The following CFAP46 variants were observed in gnomAD, a reference collection of about 807,000 sequenced individuals.
CFAP46 encodes the protein cilia- and flagella-associated protein 46.
In CFAP46, 245 loss-of-function variants were observed where a neutral mutation model predicts 325.7. The observed-to-expected ratio is 0.75, with a 90% CI of 0.68 to 0.84. The LOEUF is 0.84. Among genes scored for constraint, CFAP46 ranks in the 40% least tolerant of loss-of-function variants. CFAP46 has a pLI of 0.00. For synonymous variants in CFAP46, 1,523 were observed against 1,495.9 expected (o/e 1.02, Z -0.42); for missense variants, 3,346 against 3,543.0 (o/e 0.94, Z 1.41).
Position 132,886,423 on chromosome 10 carries a change from C to T in CFAP46, c.3305-464G>A, listed in dbSNP as rs908760377. Among the ~76,000 whole-genome samples the T allele has an allele frequency of 2.0e-5, 3 of 152,216 alleles. No homozygotes were observed. The highest frequency in any genetic ancestry group is 2.9e-5 in the Non-Finnish European group (2 of 68,036). On this transcript the variant is annotated intron_variant, in intron 25 of 57. Transcript: ENST00000368586. This position sits in a 1 kb window ranked among gnomAD's most constrained non-coding sequence, Gnocchi z 5.8. The stretch of plus-strand genomic sequence containing the variant: ...AATCCCCGAGTCTCCACGCAGGCAG[C>T]GGAGCCATGTGACACGCAGAGGCAA...
rs1470341732 is a variant in CFAP46 at position 132,812,770 on chromosome 10, G to A, written c.7501+15C>T. The A allele has an allele frequency of 6.3e-7, 1 of 1,595,490 alleles. No homozygotes were observed. The highest frequency in any genetic ancestry group is 8.6e-7 in the Non-Finnish European group (1 of 1,165,348). On this transcript the variant is annotated intron_variant, in intron 55 of 57. Coordinates refer to ENST00000368586, the MANE Select transcript of CFAP46 (RefSeq NM_001200049.3). ...GTGCCCGCGGGGGAGGGGGTGCTGA[G>A]AGGACACCTCTCACCTTGCAAGTTC...
intron 28 of CFAP46, 21 bp from the exon 29 acceptor site, chr10:132,879,652 G>A: frequency 3.4e-6 from 5 of 1,485,922 alleles, no homozygotes; most frequent in Non-Finnish European, 4.5e-6. Flanking sequence ...GGGTGCCCGA[G>A]GCTGAGAGCA....
intron 22 of CFAP46, among the ~76,000 whole-genome samples, chr10:132,901,461 C>T (rs1222853182): frequency 6.6e-6 from 1 of 152,148 alleles, no homozygotes; most frequent in Non-Finnish European, 1.5e-5. Context: ...AGCATTTGCT[C>T]TAGGGATTGC....
intron 50 of CFAP46, among the ~76,000 whole-genome samples, chr10:132,824,122 A>C (rs1376383819): frequency 2.4e-5 from 2 of 82,252 alleles, no homozygotes; most frequent in Non-Finnish European, 4.9e-5. Context: ...GTGTGCGCTG[A>C]TGTGTGCTGT....
intron 45 of CFAP46, 121 bp from the exon 46 acceptor site, chr10:132,836,339 G>A (rs1253162817): frequency 3.5e-6 from 3 of 867,888 alleles, no homozygotes; most frequent in Non-Finnish European, 5.6e-6. Flanking sequence ...TGGACGCCCA[G>A]CAGGGCCCTC....
In CFAP46 at chr10:132,857,631, C is replaced by G; in HGVS notation, c.5533G>C (p.Gly1845Arg). The change falls in exon 39 of 58, where the codon GGG becomes CGG. Residue 1845 changes from glycine (G) to arginine (R), a missense_variant. Physicochemically the swap from Gly to Arg is moderately radical, Grantham distance 125. Transcript: ENST00000368586. Reference sequence around the variant, plus strand: ...AGGCCCTGGACGCTGTGAAGCCTCCCTTCTTCCTCAGCCATGGCGCCCTGG... The same window carrying G: ...AGGCCCTGGACGCTGTGAAGCCTCCGTTCTTCCTCAGCCATGGCGCCCTGG... ...LAQGAMAEEE[G>R]RLHSVQGLLS... 1 of 1,613,184 alleles carries G rather than the reference C, an allele frequency of 6.2e-7. No individual in the cohort carries two copies. Among genetic ancestry groups the G allele is most frequent in the Non-Finnish European group, 8.5e-7 (1 of 1,179,608 alleles).
chr10:132,869,478 G>T lies in CFAP46; in HGVS notation c.4512-106C>A. 1.4e-6 allele frequency: 1 copy of T among 704,778 alleles called. No homozygotes were observed. 43.7% of individuals were successfully genotyped at this position (704,778 alleles called of 1,614,324 possible). On this transcript the variant is annotated intron_variant, in intron 32 of 57. Transcript: ENST00000368586. The surrounding 1 kb of genome is among the most constrained non-coding windows in gnomAD (Gnocchi z 6.2). ...GAAAACGGTCAACTAACACATCGAG[G>T]CACACTTGGATGGTATTTTCAATCA...
In CFAP46 at chr10:132,877,718, TCCGAGAACC is replaced by T. The variant is rs1480865498; in HGVS notation, c.4212+154_4212+162del. The stretch of plus-strand genomic sequence containing the variant: ...CTGCACTGAGGCCACCTGGGGCTCC[TCCGAGAACC>T]CTGACAGGCAGGGAAACTGAGGCAC... On this transcript the variant is annotated intron_variant, in intron 30 of 57. Transcript: ENST00000368586. The surrounding 1 kb of genome is among the most constrained non-coding windows in gnomAD (Gnocchi z 5.7). Among the ~76,000 whole-genome samples the T allele has an allele frequency of 1.5e-4, 23 of 150,520 alleles. No homozygotes were observed. The highest frequency in any genetic ancestry group is 5.6e-4 in the African/African-American group (23 of 40,948).
intron 17 of CFAP46, 82 bp from the exon 18 acceptor site, chr10:132,913,340 AGGAACCAGGC>A: frequency 1.5e-6 from 1 of 646,188 alleles, no homozygotes; most frequent in Non-Finnish European, 2.5e-6. Context: ...GGGGCCTGTT[AGGAACCAGGC>A]TGCAGGGCAA....
At position 132,876,963 on chromosome 10, in the gene CFAP46, T is replaced by C. The variant is rs1291616542; in HGVS notation, c.4213-2A>G. 2.6e-6 allele frequency: 4 copies of C among 1,548,806 alleles called. No individual in the cohort carries two copies. Among genetic ancestry groups the C allele is most frequent in the East Asian group, 2.4e-5 (1 of 40,898 alleles). On this transcript the variant is annotated splice_acceptor_variant, in intron 30 of 57. Transcript: ENST00000368586. LOFTEE classifies it high-confidence loss of function. This position sits in a 1 kb window ranked among gnomAD's most constrained non-coding sequence, Gnocchi z 4.1. ...TTTGATAGGAGCTGGGCTTTGAGAC[T>C]AGAAAGGCAAGAATACAGGATTTAC...
intron 26 of CFAP46, 115 bp from the exon 27 acceptor site, chr10:132,885,401 C>G: frequency 9.0e-7 from 1 of 1,114,912 alleles, no homozygotes; most frequent in South Asian, 1.6e-5. Flanking sequence ...CGAAGCAAAG[C>G]AGAGCCCAGG....
In CFAP46 at chr10:132,932,241, G is replaced by C. The variant is rs2135700480; in HGVS notation, c.867-2437C>G. On this transcript the variant is annotated intron_variant, in intron 8 of 57. Coordinates refer to ENST00000368586, the MANE Select transcript of CFAP46 (RefSeq NM_001200049.3). ...GGTCTCCCTACACTCCCCACACAGAGCCTGGGCCTTCCTCCTCCCCACACA... is the reference window on the plus strand; with the variant it reads ...GGTCTCCCTACACTCCCCACACAGACCCTGGGCCTTCCTCCTCCCCACACA... Among the ~76,000 whole-genome samples the C allele has an allele frequency of 1.4e-5, 2 of 142,646 alleles. 1 individual carries two copies. Among genetic ancestry groups the C allele is most frequent in the South Asian group, 4.6e-4 (2 of 4,380 alleles). The allele number at this position is 142,646 out of a possible 152,430, so 93.6% of individuals were successfully genotyped here. A position where few individuals can be genotyped will look rare whatever the true frequency, so the allele number is the denominator to read the frequency against.
At chr10:132,925,062 G>A (rs1260944283) in intron 10 of CFAP46, among the ~76,000 whole-genome samples, 176 bp from the exon 11 acceptor site, 2 of 152,224 alleles carry the variant, frequency 1.3e-5, no homozygotes, top group Admixed American at 6.5e-5. Flanking sequence ...AGGAGGAAGT[G>A]GACGTCTCAC....
intron 7 of CFAP46, among the ~76,000 whole-genome samples, chr10:132,935,674 T>C (rs1386022600): frequency 7.6e-6 from 1 of 131,436 alleles, no homozygotes; most frequent in Non-Finnish European, 1.6e-5. Flanking sequence ...CACTGAGATC[T>C]CCTCACTCCC....
At chr10:132,845,546 C>A (rs1214759022) in intron 44 of CFAP46, among the ~76,000 whole-genome samples, 1 of 152,252 alleles carries the variant, frequency 6.6e-6, no homozygotes, top group African/African-American at 2.4e-5. Context: ...CCATGCTTGT[C>A]TGTTTCCCAC....
intron 55 of CFAP46, among the ~76,000 whole-genome samples, chr10:132,811,245 C>T (rs1847576406): frequency 6.6e-6 from 1 of 152,232 alleles, no homozygotes; most frequent in African/African-American, 2.4e-5. Context: ...GACCCCTTCA[C>T]AGCCTCCTCC....
chr10:132,848,655 G>A (rs1398717226), intron 41 of CFAP46, among the ~76,000 whole-genome samples: 1 of 152,206 alleles, frequency 6.6e-6, no homozygotes, highest in African/African-American at 2.4e-5. Flanking sequence ...CACAGATAAG[G>A]AAGTCACAAG....
intron 19 of CFAP46, among the ~76,000 whole-genome samples, chr10:132,912,024 C>A (rs1849547266): frequency 6.6e-6 from 1 of 152,110 alleles, no homozygotes; most frequent in African/African-American, 2.4e-5. Flanking sequence ...CTCCCAGGGC[C>A]TTTCCAGGAG....
Position 132,885,780 on chromosome 10 carries a change from C to T in CFAP46, c.3443+41G>A, listed in dbSNP as rs767552877. ...ACAGGCGGTGGGGGGAGCACTCAGG[C>T]GGTGGAGGGAGCACTCACAGGCGGT... On this transcript the variant is annotated intron_variant, in intron 26 of 57. Coordinates refer to ENST00000368586, the MANE Select transcript of CFAP46 (RefSeq NM_001200049.3). 2.5e-5 allele frequency: 34 copies of T among 1,383,118 alleles called. No homozygotes were observed. The South Asian group carries it at 2.9e-4, about 12-fold the overall frequency. The allele number at this position is 1,383,118 out of a possible 1,614,324, so 85.7% of individuals were successfully genotyped here.
Sources: gnomAD v4.1 joint callset for allele counts (sites outside exome capture counted in the v4.1 genomes callset) on GRCh38, gnomAD v4.1.1 for gene constraint, Gnocchi (gnomAD v3.1) non-coding constraint, MANE v1.5 for transcripts, NCBI Gene and HGNC (gene_info 2026-07-23, HGNC 2026-07-21) for gene names.